The following ZNF280D variants were observed in gnomAD, a reference collection of about 807,000 sequenced individuals.
ZNF280D encodes suppressor of hairy wing homolog 4.
ZNF280D carries 39 observed loss-of-function variants against 94.7 expected under a neutral mutation model. The ratio of observed to expected loss-of-function variants is 0.41; its 90% CI spans 0.32 to 0.54. The LOEUF (loss-of-function observed/expected upper bound fraction) is 0.54. Ranked by LOEUF, ZNF280D falls within the 20% of genes least tolerant of loss-of-function variation. The probability of loss-of-function intolerance (pLI) is 0.22; values close to 1 mark genes in which losing one functional copy is unlikely to be tolerated. For synonymous variants in ZNF280D, 398 were observed against 377.6 expected (o/e 1.05, Z -0.63); for missense variants, 1,090 against 1,149.3 (o/e 0.95, Z 0.75).
At chr15:56,706,008 C>A (rs1241668432) in intron 3 of ZNF280D, among the ~76,000 whole-genome samples, 1 of 148,154 alleles carries the variant, frequency 6.7e-6, no homozygotes, top group African/African-American at 2.5e-5. Context: ...TGTTTAAGAC[C>A]TAACCCTCAC....
chr15:56,703,454 C>G (rs1249772430), intron 4 of ZNF280D, among the ~76,000 whole-genome samples: 2 of 152,122 alleles, frequency 1.3e-5, no homozygotes, highest in Non-Finnish European at 2.9e-5. Flanking sequence ...CCGTTTGAGA[C>G]TAACAAAAAC....
Position 56,669,929 on chromosome 15 carries a change from ATATATATTATATATATATATT to A in ZNF280D, c.1411-993_1411-973del, listed in dbSNP as rs1566960467. Among the ~76,000 whole-genome samples, 13 of 9,278 alleles carry A rather than the reference ATATATATTATATATATATATT, an allele frequency of 1.4e-3. 1 individual carries two copies. Among genetic ancestry groups the A allele is most frequent in the East Asian group, 0.022 (2 of 90 alleles). The allele number at this position is 9,278 out of a possible 152,430, so 6.1% of individuals were successfully genotyped here. A position where few individuals can be genotyped will look rare whatever the true frequency, so the allele number is the denominator to read the frequency against. ...TATATATATATTATATATATATTAT[ATATATATTATATATATATATT>A]ATATATATATATTATATATATATAA... On this transcript the variant is annotated intron_variant, in intron 13 of 21. Coordinates refer to ENST00000267807, the MANE Select transcript of ZNF280D (RefSeq NM_017661.4).
At chr15:56,694,977 T>C (rs912496651) in intron 6 of ZNF280D, among the ~76,000 whole-genome samples, 28 of 152,220 alleles carry the variant, frequency 1.8e-4, no homozygotes, top group African/African-American at 6.0e-4. Flanking sequence ...ACATTCATTA[T>C]TGGCAAAGTA....
chr15:56,632,130 A>C lies in ZNF280D; in HGVS notation c.2316-8T>G. 6.5e-7 allele frequency: 1 copy of C among 1,546,694 alleles called. No homozygotes were observed. The highest frequency in any genetic ancestry group is 1.2e-5 in the South Asian group (1 of 81,544). ...GCAGCTTTATCTTGTTTACTGAAAA[A>C]TAAAGTCATTTATTATGTATTTCTT... On this transcript the variant is annotated splice_region_variant and splice_polypyrimidine_tract_variant and intron_variant, in intron 21 of 21. Transcript: ENST00000267807.
chr15:56,731,483 G>C (rs1488789823), intron 1 of ZNF280D, among the ~76,000 whole-genome samples: 1 of 126,890 alleles, frequency 7.9e-6, no homozygotes, highest in African/African-American at 2.8e-5. Flanking sequence ...CTCCATCCTG[G>C]GACACAGAGC....
At chr15:56,723,694 TC>T (rs1295933422) in intron 1 of ZNF280D, among the ~76,000 whole-genome samples, 4 of 152,158 alleles carry the variant, frequency 2.6e-5, no homozygotes, top group African/African-American at 9.7e-5. Context: ...TCAAAATATT[TC>T]CCACACCATC....
intron 1 of ZNF280D, among the ~76,000 whole-genome samples, chr15:56,726,815 G>C (rs1035666013): frequency 3.9e-5 from 6 of 152,150 alleles, no homozygotes; most frequent in Admixed American, 1.3e-4. Flanking sequence ...GTCAGAGAGG[G>C]AAAACAATTC....
intron 16 of ZNF280D, among the ~76,000 whole-genome samples, chr15:56,664,640 T>C (rs1291648132): frequency 6.6e-6 from 1 of 152,182 alleles, no homozygotes; most frequent in Non-Finnish European, 1.5e-5. Context: ...ATAAAATCTT[T>C]AGGGTACTGA....
At chr15:56,702,652 T>C (rs2141205745) in intron 4 of ZNF280D, among the ~76,000 whole-genome samples, 2 of 152,268 alleles carry the variant, frequency 1.3e-5, no homozygotes, top group East Asian at 1.9e-4. Flanking sequence ...CAATAGAATA[T>C]TATGTCCCAC....
chr15:56,639,016 G>C (rs1386250157), intron 20 of ZNF280D, among the ~76,000 whole-genome samples: 1 of 151,816 alleles, frequency 6.6e-6, no homozygotes, highest in African/African-American at 2.4e-5. Flanking sequence ...AAGGGGCTTG[G>C]AGACATCAGA....
At chr15:56,718,338 CTTAAA>C (rs1337617545) in intron 1 of ZNF280D, among the ~76,000 whole-genome samples, 1 of 152,090 alleles carries the variant, frequency 6.6e-6, no homozygotes, top group Non-Finnish European at 1.5e-5. Context: ...AGCCAACAAT[CTTAAA>C]TTAATTTCAT....
At chr15:56,725,248 A>G (rs1037106149) in intron 1 of ZNF280D, among the ~76,000 whole-genome samples, 9 of 152,062 alleles carry the variant, frequency 5.9e-5, no homozygotes, top group African/African-American at 1.4e-4. Context: ...TCAGTTAATA[A>G]TGTTAAAAAA....
intron 21 of ZNF280D, 22 bp from the exon 22 acceptor site, chr15:56,632,144 T>G (rs1168846261): frequency 6.6e-7 from 1 of 1,510,242 alleles, no homozygotes; most frequent in Admixed American, 2.3e-5. Flanking sequence ...AGTCATTTAT[T>G]ATGTATTTCT....
At chr15:56,710,111 A>G (rs2057672199) in intron 1 of ZNF280D, among the ~76,000 whole-genome samples, 1 of 152,246 alleles carries the variant, frequency 6.6e-6, no homozygotes. Context: ...TCTTTAAGAC[A>G]GCCCGAAAAG....
At chr15:56,633,825 T>G (rs1408340388) in intron 21 of ZNF280D, among the ~76,000 whole-genome samples, 1 of 151,840 alleles carries the variant, frequency 6.6e-6, no homozygotes, top group Non-Finnish European at 1.5e-5. Flanking sequence ...AAAGGAATGA[T>G]TAAATACATT....
At chr15:56,658,552 T>A (rs1012008401) in intron 16 of ZNF280D, 66 bp from the exon 17 acceptor site, 70 of 1,146,492 alleles carry the variant, frequency 6.1e-5, no homozygotes, top group Non-Finnish European at 7.6e-5. Context: ...TATAACTATA[T>A]TTCAAGTCCA....
At chr15:56,646,241 T>C (rs1338584773) in intron 19 of ZNF280D, among the ~76,000 whole-genome samples, 1 of 151,930 alleles carries the variant, frequency 6.6e-6, no homozygotes, top group African/African-American at 2.4e-5. Flanking sequence ...CTGGGCAACA[T>C]AGTGAGACCT....
chr15:56,680,161 A>G (rs1473338565), intron 10 of ZNF280D, among the ~76,000 whole-genome samples: 1 of 152,238 alleles, frequency 6.6e-6, no homozygotes, highest in Admixed American at 6.5e-5. Context: ...AATGTAGGAA[A>G]GAAACTCCAT....
chr15:56,638,140 C>T (rs1312066716), intron 20 of ZNF280D, among the ~76,000 whole-genome samples: 2 of 152,102 alleles, frequency 1.3e-5, no homozygotes, highest in East Asian at 1.9e-4. Flanking sequence ...TGACAGTATT[C>T]GTTTCCAGTA....
Sources: gnomAD v4.1 joint callset for allele counts (sites outside exome capture counted in the v4.1 genomes callset) on GRCh38, gnomAD v4.1.1 for gene constraint, MANE v1.5 for transcripts, NCBI Gene and HGNC (gene_info 2026-07-23, HGNC 2026-07-21) for gene names.